ATP10D: variants seen among roughly 807,000 people sequenced by gnomAD.
ATP10D encodes phospholipid-transporting ATPase VD.
In ATP10D, 89 loss-of-function variants were observed where a neutral mutation model predicts 144.8. The ratio of observed to expected loss-of-function variants is 0.61; its 90% CI spans 0.52 to 0.73. ATP10D has a LOEUF of 0.73. Among genes scored for constraint, ATP10D ranks in the 30% least tolerant of loss-of-function variants. ATP10D has a pLI of 0.00. For synonymous variants in ATP10D, 571 were observed against 615.1 expected (o/e 0.93, Z 1.06); for missense variants, 1,603 against 1,714.8 (o/e 0.93, Z 1.15).
At chr4:47,513,202 T>G (rs1716455848) in intron 2 of ATP10D, among the ~76,000 whole-genome samples, 2 of 152,208 alleles carry the variant, frequency 1.3e-5, no homozygotes, top group South Asian at 4.1e-4. Context: ...TTTCAAATTT[T>G]TCTTACTGAT....
chr4:47,551,180 T>TC (rs1718715992), intron 10 of ATP10D, among the ~76,000 whole-genome samples: 1 of 152,198 alleles, frequency 6.6e-6, no homozygotes, highest in African/African-American at 2.4e-5. Context: ...GTGGAAGCAG[T>TC]CACCTTCCCA....
chr4:47,549,250 A>G (rs1315448187), intron 10 of ATP10D, among the ~76,000 whole-genome samples: 2 of 152,210 alleles, frequency 1.3e-5, no homozygotes, highest in Non-Finnish European at 2.9e-5. Flanking sequence ...ATCTTTGTAT[A>G]GCTGTCTCCT....
At chr4:47,562,752 A>T (rs139852933) in intron 14 of ATP10D, among the ~76,000 whole-genome samples, 29 of 152,136 alleles carry the variant, frequency 1.9e-4, no homozygotes, top group Non-Finnish European at 3.1e-4. Context: ...TAGGCTTATC[A>T]CAGCACTGTT....
intron 4 of ATP10D, 123 bp downstream of exon 4, chr4:47,523,339 C>T (rs1717066236): frequency 6.2e-6 from 5 of 803,336 alleles, no homozygotes; most frequent in Non-Finnish European, 1.0e-5. Flanking sequence ...AATAGAATCC[C>T]AGAAGGTTTC....
intron 10 of ATP10D, among the ~76,000 whole-genome samples, chr4:47,550,908 G>A (rs1718699051): frequency 6.6e-6 from 1 of 152,206 alleles, no homozygotes; most frequent in Non-Finnish European, 1.5e-5. Flanking sequence ...TAACAAACAC[G>A]GACCAGAAGA....
At position 47,582,057 on chromosome 4, in the gene ATP10D, A is replaced by G. The variant is rs753538738; in HGVS notation, c.3746A>G (p.Lys1249Arg). ...IVLLHLVIES[K>R]SLTWIHLLVI... ...CTCCTCCATCTGGTCATTGAAAGCA[A>G]GAGTTTGGTGAGTGGTTTTCTTGCC... Residue 1249 changes from lysine to arginine, a missense_variant, in exon 21 of 23, where the codon AAG becomes AGG. By Grantham distance (26) the Lys-to-Arg change is conservative (BLOSUM62 2). Transcript: ENST00000273859. 2 of 1,613,114 alleles carry G rather than the reference A, an allele frequency of 1.2e-6. No homozygotes were observed. The highest frequency in any genetic ancestry group is 1.1e-5 in the South Asian group (1 of 91,056).
chr4:47,490,467 G>A (rs1270234673), intron 1 of ATP10D, among the ~76,000 whole-genome samples: 4 of 152,208 alleles, frequency 2.6e-5, no homozygotes, highest in African/African-American at 7.2e-5. Flanking sequence ...TCCCAGACTG[G>A]CTTTCTGCTC....
chr4:47,590,220 G>A (rs1720968289), intron 22 of ATP10D, among the ~76,000 whole-genome samples: 1 of 152,110 alleles, frequency 6.6e-6, no homozygotes, highest in Non-Finnish European at 1.5e-5. Context: ...TCTAAGCAAA[G>A]TGTCAAAGTT....
intron 10 of ATP10D, 131 bp downstream of exon 10, chr4:47,546,993 C>A (rs1185795739): frequency 1.3e-6 from 1 of 766,578 alleles, no homozygotes; most frequent in Non-Finnish European, 2.1e-6. Context: ...TGCAGCTCAG[C>A]AAGATCACCA....
At chr4:47,557,071 A>T (rs975725138) in intron 11 of ATP10D, 2 of 152,136 alleles carry the variant, frequency 1.3e-5, no homozygotes, top group Non-Finnish European at 2.9e-5. Context: ...TGTTTTTGTT[A>T]TGTATATTAT....
intron 4 of ATP10D, among the ~76,000 whole-genome samples, chr4:47,525,210 G>GT (rs1188131947): frequency 6.6e-6 from 1 of 152,104 alleles, no homozygotes; most frequent in Non-Finnish European, 1.5e-5. Flanking sequence ...AACCACTTAT[G>GT]TGATTAAAGA....
intron 9 of ATP10D, among the ~76,000 whole-genome samples, chr4:47,543,015 A>G (rs749993342): frequency 8.5e-5 from 13 of 152,184 alleles, no homozygotes; most frequent in Non-Finnish European, 1.6e-4. Context: ...GTACAGTATT[A>G]CCCCCTTATC....
intron 1 of ATP10D, among the ~76,000 whole-genome samples, chr4:47,497,374 GA>G (rs1715442988): frequency 6.6e-6 from 1 of 152,160 alleles, no homozygotes; most frequent in African/African-American, 2.4e-5. Context: ...AGAATCGCTT[GA>G]ACCGGGGAGA....
In ATP10D at chr4:47,515,647, T is replaced by C. The variant is rs1716636571; in HGVS notation, c.462T>C (p.Asn154=). ...ACAAAATTGACAAACAGATCAATAA[T>C]TTAATAACTAAAGTTTATAGTAGGT... is the stretch of plus-strand genomic sequence containing the variant. ...RKYKIDKQIN[N]LITKVYSRKE... The change falls in exon 3 of 23, where the codon AAT becomes AAC. Residue 154 remains asparagine (N), a synonymous_variant. Coordinates refer to ENST00000273859, the MANE Select transcript of ATP10D (RefSeq NM_020453.4). The C allele has an allele frequency of 1.2e-6, 2 of 1,606,956 alleles. No individual in the cohort carries two copies. Among genetic ancestry groups the C allele is most frequent in the Non-Finnish European group, 8.5e-7 (1 of 1,173,664 alleles).
At chr4:47,544,707 C>T (rs1240552508) in intron 9 of ATP10D, among the ~76,000 whole-genome samples, 1 of 152,188 alleles carries the variant, frequency 6.6e-6, no homozygotes, top group Non-Finnish European at 1.5e-5. Context: ...CACATAGACC[C>T]TTAGCCTCTC....
intron 12 of ATP10D, 70 bp from the exon 13 acceptor site, chr4:47,558,853 A>C (rs140919542): frequency 0.011 from 13,906 of 1,266,806 alleles, 86 homozygotes; most frequent in Non-Finnish European, 0.013. Flanking sequence ...TAAAACTACT[A>C]TTGTTTTAAA....
At chr4:47,582,122 C>T in intron 21 of ATP10D, 58 bp downstream of exon 21, 1 of 1,356,196 alleles carries the variant, frequency 7.4e-7, no homozygotes, top group Non-Finnish European at 1.1e-6. Flanking sequence ...GGGGATATGT[C>T]TTCTATTAGC....
At chr4:47,490,349 AATCTGAAGC>A (rs1715007691) in intron 1 of ATP10D, among the ~76,000 whole-genome samples, 1 of 152,198 alleles carries the variant, frequency 6.6e-6, no homozygotes, top group Non-Finnish European at 1.5e-5. Context: ...TAATTGCCTG[AATCTGAAGC>A]ATTATTATAC....
At chr4:47,492,241 C>G (rs1376295842) in intron 1 of ATP10D, among the ~76,000 whole-genome samples, 2 of 152,172 alleles carry the variant, frequency 1.3e-5, no homozygotes, top group African/African-American at 4.8e-5. Flanking sequence ...GAAACTGATG[C>G]TCAGAAAGGC....
Sources: allele counts gnomAD v4.1 joint callset (sites outside exome capture counted in the v4.1 genomes callset), GRCh38; gene constraint gnomAD v4.1.1; transcripts MANE v1.5; gene names NCBI Gene and HGNC (gene_info 2026-07-23, HGNC 2026-07-21).